The following SHISA3 variants were observed in gnomAD, a reference collection of about 807,000 sequenced individuals.
The protein encoded by SHISA3 is protein shisa-3 homolog.
Under a neutral mutation model 19.2 loss-of-function variants are expected in SHISA3, and 15 were observed. The ratio of observed to expected loss-of-function variants is 0.78; its 90% CI spans 0.52 to 1.20. The LOEUF (loss-of-function observed/expected upper bound fraction) is 1.20. SHISA3 is among the 50% of genes most tolerant of loss of function. SHISA3 has a pLI of 0.00. For missense variants in SHISA3, 327 were observed against 315.7 expected, an observed-to-expected ratio of 1.04 and a Z score of -0.27; for synonymous variants, 145 against 135.2, an observed-to-expected ratio of 1.07 and a Z score of -0.50.
Position 42,397,520 on chromosome 4 carries a change from G to A in SHISA3, c.-537G>A, listed in dbSNP as rs995365541. On this transcript the variant is annotated 5_prime_UTR_variant, in exon 1 of 2. Coordinates refer to ENST00000319234, the MANE Select transcript of SHISA3 (RefSeq NM_001080505.3). ...CCGCGGCCGTTTGTACTTGGCCGCG[G>A]CGGAGCTGACTCCTGCTCCTGTGAC... 3.3e-5 allele frequency among the ~76,000 whole-genome samples: 5 copies of A among 152,232 alleles called. No homozygotes were observed. The highest frequency in any genetic ancestry group is 7.3e-5 in the Non-Finnish European group (5 of 68,042).
chr4:42,398,471 G>C, intron 1 of SHISA3, 138 bp downstream of exon 1: 1 of 901,014 alleles, frequency 1.1e-6, no homozygotes, highest in Non-Finnish European at 1.6e-6. Context: ...GGCCGGGTGG[G>C]GGAATCAAGG....
rs776271957 is a variant in SHISA3, at chr4:42,398,312, G to A, written c.256G>A (p.Glu86Lys). ...GGCTNDRRELEHPGITAQPVY... is the reference protein window; with the variant it reads ...GGCTNDRRELKHPGITAQPVY... Reference sequence around the variant, plus strand: ...CTGCACCAACGACCGCCGCGAACTGGAGCACCCAGGCATCACTGCGCGTAA... The same window carrying A: ...CTGCACCAACGACCGCCGCGAACTGAAGCACCCAGGCATCACTGCGCGTAA... The change falls in exon 1 of 2, where the codon GAG becomes AAG. Residue 86 changes from glutamate to lysine, a missense_variant. Transcript: ENST00000319234. The A allele has an allele frequency of 5.1e-6, 8 of 1,559,768 alleles. No homozygotes were observed. In the South Asian group the frequency reaches 8.2e-5, roughly 16 times the overall value.
chr4:42,400,165 G>C (rs1351555588), intron 1 of SHISA3, among the ~76,000 whole-genome samples: 1 of 152,226 alleles, frequency 6.6e-6, no homozygotes, highest in Admixed American at 6.5e-5. Flanking sequence ...CTCTATCAGG[G>C]GAGAGACCTG....
chr4:42,401,416 C>A lies in SHISA3; in HGVS notation c.682C>A (p.Pro228Thr), dbSNP rs1249570484. ...CCCCCTCCAGCAGGAGCCCCCACTGCCTGGGAAGAGCTGTCCAGACTTCAG... is the reference window on the plus strand; with the variant it reads ...CCCCCTCCAGCAGGAGCCCCCACTGACTGGGAAGAGCTGTCCAGACTTCAG... Reference protein sequence around the residue: ...AYPLQQEPPLPGKSCPDFSSS With the variant: ...AYPLQQEPPLTGKSCPDFSSS Residue 228 changes from proline (P) to threonine (T), a missense_variant, in exon 2 of 2, where the codon CCT becomes ACT. By Grantham distance (38) the Pro-to-Thr change is conservative. Coordinates refer to ENST00000319234, the MANE Select transcript of SHISA3 (RefSeq NM_001080505.3). 5 of 1,596,946 alleles carry A rather than the reference C, an allele frequency of 3.1e-6. No individual in the cohort carries two copies. The highest frequency in any genetic ancestry group is 2.7e-5 in the African/African-American group (2 of 74,862).
rs1196360368 is a variant in SHISA3, at chr4:42,397,667, T to A, written c.-390T>A. 1.3e-5 allele frequency among the ~76,000 whole-genome samples: 2 copies of A among 151,916 alleles called. No individual in the cohort carries two copies. The stretch of plus-strand genomic sequence containing the variant: ...CACAGGTTGGGACTCTGTGCGGCGC[T>A]GGAGTTGGCAGCCCCGGGCGCTATG... On this transcript the variant is annotated 5_prime_UTR_variant, in exon 1 of 2. Coordinates refer to ENST00000319234, the MANE Select transcript of SHISA3 (RefSeq NM_001080505.3).
rs1056335766 is a variant in SHISA3 at position 42,401,265 on chromosome 4, G to T, written c.531G>T (p.Arg177Ser). The change falls in exon 2 of 2, where the codon AGG (arginine) becomes AGT (serine). Residue 177 changes from arginine to serine, a missense_variant. Transcript: ENST00000319234. ...SSSSTGGSIR[R>S]FSFARAEPGC... The stretch of plus-strand genomic sequence containing the variant: ...GCTCCACAGGCGGCTCCATCCGCAG[G>T]TTCTCCTTTGCCAGGGCTGAGCCGG... The T allele has an allele frequency of 6.2e-7, 1 of 1,614,158 alleles. No homozygotes were observed. Among genetic ancestry groups the T allele is most frequent in the Non-Finnish European group, 8.5e-7 (1 of 1,180,022 alleles).
In SHISA3 at chr4:42,401,085, T is replaced by G. The variant is rs369768854; in HGVS notation, c.351T>G (p.Ala117=). The G allele has an allele frequency of 6.2e-6, 10 of 1,614,200 alleles. No homozygotes were observed. In the African/African-American group the frequency reaches 1.3e-4, roughly 22 times the overall value. The change falls in exon 2 of 2, where the codon GCT becomes GCG. Residue 117 remains alanine (A), a synonymous_variant. Coordinates refer to ENST00000319234, the MANE Select transcript of SHISA3 (RefSeq NM_001080505.3). ...IAFIILGSVV[A]IYCCTCLRPK... ...TCATCATCCTGGGCTCTGTAGTGGC[T>G]ATTTATTGTTGCACCTGTTTGAGAC...
rs1711904491 is a variant in SHISA3 at position 42,401,170 on chromosome 4, C to T, written c.436C>T (p.Leu146=). The T allele has an allele frequency of 6.2e-7, 1 of 1,614,224 alleles. No homozygotes were observed. Among genetic ancestry groups the T allele is most frequent in the Non-Finnish European group, 8.5e-7 (1 of 1,180,042 alleles). The change falls in exon 2 of 2, where the codon CTG becomes TTG. Residue 146 remains leucine (L), a synonymous_variant. Coordinates refer to ENST00000319234, the MANE Select transcript of SHISA3 (RefSeq NM_001080505.3). ...FSLRSYQTET[L]PMILTSTSPR... ...ACTCCGCAGCTATCAGACAGAGACC[C>T]TGCCCATGATCCTGACCTCCACCAG...
At chr4:42,400,731 G>GTT (rs112746473) in intron 1 of SHISA3, among the ~76,000 whole-genome samples, 6 of 149,202 alleles carry the variant, frequency 4.0e-5, no homozygotes, top group African/African-American at 1.2e-4. Flanking sequence ...AACAGATTCC[G>GTT]TTTTTTTTTT....
chr4:42,398,463 C>A, intron 1 of SHISA3, 130 bp downstream of exon 1: 1 of 1,021,842 alleles, frequency 9.8e-7, no homozygotes, highest in Non-Finnish European at 1.4e-6. Context: ...GGGGACGCGG[C>A]CGGGTGGGGG....
chr4:42,400,818 A>G lies in SHISA3; in HGVS notation c.278-194A>G, dbSNP rs1400289576. Among the ~76,000 whole-genome samples the G allele has an allele frequency of 2.0e-5, 3 of 151,866 alleles. 1 individual carries two copies. The East Asian group carries it at 5.8e-4, about 29-fold the overall frequency. On this transcript the variant is annotated intron_variant, in intron 1 of 1. Coordinates refer to ENST00000319234, the MANE Select transcript of SHISA3 (RefSeq NM_001080505.3). ...ATCCGTTTGCTTCCTCCCTGCTAGG[A>G]GTAGCGAGAATATTCCATCATCACG... is the stretch of plus-strand genomic sequence containing the variant.
In SHISA3 at chr4:42,397,768, C is replaced by A. The variant is rs929479297; in HGVS notation, c.-289C>A. 136 of 386,154 alleles carry A rather than the reference C, an allele frequency of 3.5e-4. No homozygotes were observed. Among genetic ancestry groups the A allele is most frequent in the Non-Finnish European group, 5.4e-4 (117 of 216,628 alleles). The allele number at this position is 386,154 out of a possible 1,614,324, so 23.9% of individuals were successfully genotyped here. ...CGCGCGGGGAGCGCTATGAGCCGGG[C>A]GAAGGGCGGCAGCGACAGCCCCAGC... On this transcript the variant is annotated 5_prime_UTR_variant, in exon 1 of 2. Transcript: ENST00000319234.
Position 42,397,853 on chromosome 4 carries a change from A to T in SHISA3, c.-204A>T. On this transcript the variant is annotated 5_prime_UTR_variant, in exon 1 of 2. The change abolishes the stop of an existing upstream ORF in the 5' untranslated region. Transcript: ENST00000319234. Reference sequence around the variant, plus strand: ...CCAACTCGCCCCGCGCACCATGCTGACTCCCGGCCTGCGGAACTCGTAGTG... The same window carrying T: ...CCAACTCGCCCCGCGCACCATGCTGTCTCCCGGCCTGCGGAACTCGTAGTG... 2.1e-6 allele frequency: 1 copy of T among 468,254 alleles called. No homozygotes were observed. Among genetic ancestry groups the T allele is most frequent in the Non-Finnish European group, 3.7e-6 (1 of 271,532 alleles). 29.0% of individuals were successfully genotyped at this position (468,254 alleles called of 1,614,324 possible).
At chr4:42,400,981 G>A (rs746741801) in intron 1 of SHISA3, 31 bp from the exon 2 acceptor site, 11 of 1,601,852 alleles carry the variant, frequency 6.9e-6, no homozygotes, top group South Asian at 1.1e-5. Flanking sequence ...CCTCATCTGA[G>A]CATCTGTTTA....
At position 42,401,111 on chromosome 4, in the gene SHISA3, C is replaced by T. The variant is rs201395213; in HGVS notation, c.377C>T (p.Pro126Leu). The T allele has an allele frequency of 3.0e-4, 483 of 1,614,162 alleles. 5 individuals are homozygous for T. In the South Asian group the frequency reaches 5.1e-3, roughly 17 times the overall value. The change falls in exon 2 of 2, where the codon CCC (proline) becomes CTC (leucine). Residue 126 changes from proline to leucine, a missense_variant. Transcript: ENST00000319234. Reference sequence around the variant, plus strand: ...ATTTATTGTTGCACCTGTTTGAGACCCAAGGAGCCCTCGCAGCAGCCAATC... The same window carrying T: ...ATTTATTGTTGCACCTGTTTGAGACTCAAGGAGCCCTCGCAGCAGCCAATC... The part of the protein sequence containing the change: ...VAIYCCTCLR[P>L]KEPSQQPIRF...
chr4:42,398,120 C>T lies in SHISA3; in HGVS notation c.64C>T (p.Gln22Ter). The change falls in exon 1 of 2, where the codon CAG (glutamine) becomes TAG (stop). Residue 22 changes from glutamine (Q) to a stop codon, truncating the protein, a stop_gained. Transcript: ENST00000319234. LOFTEE classifies it high-confidence loss of function. ...GWLRWGPAGAQQSGEYCHGWV... is the reference protein window; with the variant it reads ...GWLRWGPAGA ...GCTGCGCTGGGGCCCGGCGGGCGCC[C>T]AGCAGTCCGGAGAGTACTGCCACGG... is the stretch of plus-strand genomic sequence containing the variant. 6.2e-7 allele frequency: 1 copy of T among 1,602,612 alleles called. No individual in the cohort carries two copies. The highest frequency in any genetic ancestry group is 1.3e-5 in the African/African-American group (1 of 74,740).
chr4:42,400,967 AG>A, intron 1 of SHISA3, 44 bp from the exon 2 acceptor site: 1 of 1,581,014 alleles, frequency 6.3e-7, no homozygotes, highest in Non-Finnish European at 8.6e-7. Context: ...AGAATCTGGG[AG>A]ATCCTCATCT....
At chr4:42,400,510 C>A (rs2153163203) in intron 1 of SHISA3, among the ~76,000 whole-genome samples, 1 of 152,214 alleles carries the variant, frequency 6.6e-6, no homozygotes, top group East Asian at 1.9e-4. Flanking sequence ...TCATAAAATC[C>A]TGGGTCTGTG....
At position 42,398,040 on chromosome 4, in the gene SHISA3, C is replaced by T. The variant is rs1057023105; in HGVS notation, c.-17C>T. On this transcript the variant is annotated 5_prime_UTR_variant, in exon 1 of 2. Coordinates refer to ENST00000319234, the MANE Select transcript of SHISA3 (RefSeq NM_001080505.3). ...CAGCTGCGTCCTGCTCCCGGCCGCC[C>T]AGGGAGCCCAGTGGCGATGAGGGCA... The T allele has an allele frequency of 1.9e-6, 3 of 1,545,648 alleles. No individual in the cohort carries two copies. The highest frequency in any genetic ancestry group is 4.7e-5 in the East Asian group (2 of 42,616).
Sources: allele counts gnomAD v4.1 joint callset (sites outside exome capture counted in the v4.1 genomes callset), GRCh38; gene constraint gnomAD v4.1.1; transcripts MANE v1.5; gene names NCBI Gene and HGNC (gene_info 2026-07-23, HGNC 2026-07-21).